Variants in SYNE1 observed in about 807,000 individuals in gnomAD.
SYNE1 encodes nesprin-1.
In SYNE1, 616 loss-of-function variants were observed where a neutral mutation model predicts 1,111.0. The ratio of observed to expected loss-of-function variants is 0.55; its 90% CI spans 0.52 to 0.59. The LOEUF is 0.59. Ranked by LOEUF, SYNE1 falls within the 20% of genes least tolerant of loss-of-function variation. The pLI is 0.00. For synonymous variants in SYNE1, 3,855 were observed against 3,825.8 expected, an observed-to-expected ratio of 1.01 and a Z score of -0.28; for missense variants, 10,006 against 10,417.0, an observed-to-expected ratio of 0.96 and a Z score of 1.72.
At chr6:152,429,428 C>A (rs1201856233) in intron 36 of SYNE1, among the ~76,000 whole-genome samples, 3 of 152,148 alleles carry the variant, frequency 2.0e-5, no homozygotes, top group African/African-American at 7.2e-5. Flanking sequence ...AAAGTGTATT[C>A]TCATTATCAA....
At chr6:152,204,107 T>C (rs1328422929) in intron 126 of SYNE1, among the ~76,000 whole-genome samples, 1 of 152,160 alleles carries the variant, frequency 6.6e-6, no homozygotes, top group Non-Finnish European at 1.5e-5. Flanking sequence ...CCCACACCTA[T>C]AATCCTAGCA....
chr6:152,527,679 A>C (rs929955279), intron 4 of SYNE1, among the ~76,000 whole-genome samples: 2 of 152,236 alleles, frequency 1.3e-5, no homozygotes, highest in Admixed American at 6.5e-5. Context: ...TAAATGTTTG[A>C]TACATTCAGT....
intron 3 of SYNE1, among the ~76,000 whole-genome samples, chr6:152,624,729 G>A (rs1376427493): frequency 6.6e-6 from 1 of 152,144 alleles, no homozygotes; most frequent in East Asian, 1.9e-4. Flanking sequence ...CAGTATCCCA[G>A]CCTAAAACAT....
chr6:152,452,428 TA>T (rs1187383629), intron 25 of SYNE1, among the ~76,000 whole-genome samples: 1 of 152,236 alleles, frequency 6.6e-6, no homozygotes, highest in African/African-American at 2.4e-5. Flanking sequence ...ATCCTTTTTT[TA>T]ATGAAAAACT....
intron 39 of SYNE1, among the ~76,000 whole-genome samples, chr6:152,420,249 T>C (rs2098235410): frequency 6.6e-6 from 1 of 152,198 alleles, no homozygotes; most frequent in South Asian, 2.1e-4. Context: ...TTTAAGGAAA[T>C]TCATGGAAAG....
At chr6:152,346,774 C>A (rs1485363019) in intron 73 of SYNE1, among the ~76,000 whole-genome samples, 1 of 152,144 alleles carries the variant, frequency 6.6e-6, no homozygotes, top group Admixed American at 6.5e-5. Context: ...CGCGCCACTG[C>A]ACTCCAGCCT....
chr6:152,253,276 C>T (rs1282555277), intron 104 of SYNE1, among the ~76,000 whole-genome samples: 1 of 152,180 alleles, frequency 6.6e-6, no homozygotes, highest in African/African-American at 2.4e-5. Flanking sequence ...GGTTGAGTAA[C>T]ACTGAAGTAA....
chr6:152,155,093 C>G (rs1381107265), intron 132 of SYNE1, 51 bp from the exon 133 acceptor site: 1 of 1,611,208 alleles, frequency 6.2e-7, no homozygotes, highest in South Asian at 1.1e-5. Flanking sequence ...ACTGTTTTCG[C>G]TCCAGAACCC....
At position 152,376,757 on chromosome 6, in the gene SYNE1, C is replaced by T; in HGVS notation, c.9146+19G>A. On this transcript the variant is annotated intron_variant, in intron 57 of 145. Coordinates refer to ENST00000367255, the MANE Select transcript of SYNE1 (RefSeq NM_182961.4). ...ATTTGTATAAAAATATCTTGAACAC[C>T]AATAAGGTTCATGCTCACCAATTAT... 1 of 1,613,266 alleles carries T rather than the reference C, an allele frequency of 6.2e-7. No homozygotes were observed. The highest frequency in any genetic ancestry group is 8.5e-7 in the Non-Finnish European group (1 of 1,179,908).
chr6:152,519,572 G>A (rs1055714001), intron 6 of SYNE1, among the ~76,000 whole-genome samples: 4 of 152,116 alleles, frequency 2.6e-5, no homozygotes, highest in Non-Finnish European at 4.4e-5. Context: ...AGTAAATTGT[G>A]GGGGAGGACA....
chr6:152,407,462 A>G (rs963903217), intron 44 of SYNE1, among the ~76,000 whole-genome samples: 1 of 152,228 alleles, frequency 6.6e-6, no homozygotes, highest in Non-Finnish European at 1.5e-5. Flanking sequence ...CAACAGGTCC[A>G]TTGGAATCTA....
chr6:152,363,337 A>G (rs1428704634), intron 63 of SYNE1, among the ~76,000 whole-genome samples: 2 of 148,884 alleles, frequency 1.3e-5, no homozygotes, highest in East Asian at 2.0e-4. Flanking sequence ...TACTAAAAAT[A>G]CAAAAAATTA....
At chr6:152,164,016 C>G (rs2063089590) in intron 131 of SYNE1, 147 bp downstream of exon 131, 20 of 1,087,586 alleles carry the variant, frequency 1.8e-5, no homozygotes, top group South Asian at 1.0e-4. Flanking sequence ...AATCGCCTGC[C>G]TAGGCAAAGC....
intron 130 of SYNE1, among the ~76,000 whole-genome samples, chr6:152,166,824 G>A (rs1264168169): frequency 2.6e-5 from 4 of 152,188 alleles, no homozygotes; most frequent in African/African-American, 7.2e-5. Flanking sequence ...GAGCAGAGGT[G>A]AGCCTGTAGG....
intron 93 of SYNE1, among the ~76,000 whole-genome samples, chr6:152,299,263 T>C (rs1180108219): frequency 6.6e-6 from 1 of 152,218 alleles, no homozygotes; most frequent in East Asian, 1.9e-4. Context: ...CAATTTTTTC[T>C]ATATAATAAT....
rs9397495 is a variant in SYNE1, at chr6:152,255,456, A to G, written c.19260+135T>C. ...AAAATGCGAACTATAAATATTCTGC[A>G]TTTAAGCAATTATGTTCTGCATTAT... is the stretch of plus-strand genomic sequence containing the variant. On this transcript the variant is annotated intron_variant, in intron 103 of 145. Coordinates refer to ENST00000367255, the MANE Select transcript of SYNE1 (RefSeq NM_182961.4). The G allele has an allele frequency of 0.58, 614,003 of 1,067,288 alleles. 179,671 individuals are homozygous for G. Among genetic ancestry groups the G allele is most frequent in the East Asian group, 0.74 (30,676 of 41,408 alleles). 66.1% of individuals were successfully genotyped at this position (1,067,288 alleles called of 1,614,324 possible). A position where few individuals can be genotyped will look rare whatever the true frequency, so the allele number is the denominator to read the frequency against.
intron 37 of SYNE1, 115 bp from the exon 38 acceptor site, chr6:152,427,931 C>T (rs2098385356): frequency 1.4e-6 from 2 of 1,467,270 alleles, no homozygotes; most frequent in Non-Finnish European, 1.9e-6. Context: ...CCTCAGTTAT[C>T]TCAGTCTTAG....
Position 152,156,617 on chromosome 6 carries a change from T to A in SYNE1, c.23791-520A>T, listed in dbSNP as rs138116685. ...CTTATAATACCTAATACAATGTAAATGCTATAGAAATTGTTCTTATACTGT... is the reference window on the plus strand; with the variant it reads ...CTTATAATACCTAATACAATGTAAAAGCTATAGAAATTGTTCTTATACTGT... On this transcript the variant is annotated intron_variant, in intron 131 of 145. Transcript: ENST00000367255. Among the ~76,000 whole-genome samples, 25 of 152,306 alleles carry A rather than the reference T, an allele frequency of 1.6e-4. No individual in the cohort carries two copies. The East Asian group carries it at 4.8e-3, about 29-fold the overall frequency.
chr6:152,228,467 A>T (rs2082075987), intron 115 of SYNE1, among the ~76,000 whole-genome samples: 1 of 152,216 alleles, frequency 6.6e-6, no homozygotes, highest in Non-Finnish European at 1.5e-5. Context: ...AATAGAAGAA[A>T]TGAACAGGAG....
Sources: gnomAD v4.1 joint callset for allele counts (sites outside exome capture counted in the v4.1 genomes callset) on GRCh38, gnomAD v4.1.1 for gene constraint, MANE v1.5 for transcripts, NCBI Gene and HGNC (gene_info 2026-07-23, HGNC 2026-07-21) for gene names.